PDE4D: variants seen among roughly 807,000 people sequenced by gnomAD.
PDE4D encodes phosphodiesterase 4D.
In PDE4D, 24 loss-of-function variants were observed where a neutral mutation model predicts 87.4. The observed-to-expected ratio is 0.27, with a 90% confidence interval of 0.20 to 0.39. The LOEUF is 0.39. PDE4D is among the 10% of genes least tolerant of loss of function. PDE4D has a pLI of 1.00. For synonymous variants in PDE4D, 384 were observed against 383.2 expected, an observed-to-expected ratio of 1.00 and a Z score of -0.02; for missense variants, 714 against 1,041.0, an observed-to-expected ratio of 0.69 and a Z score of 4.32.
chr5:59,409,619 C>T (rs1485272054), intron 1 of PDE4D, among the ~76,000 whole-genome samples: 1 of 152,126 alleles, frequency 6.6e-6, no homozygotes, highest in Non-Finnish European at 1.5e-5. Flanking sequence ...ACACCTACTC[C>T]CCTTTTGTCT....
chr5:59,614,828 C>G (rs914352881), intron 1 of PDE4D, among the ~76,000 whole-genome samples: 6 of 151,074 alleles, frequency 4.0e-5, no homozygotes, highest in Non-Finnish European at 7.4e-5. Flanking sequence ...CAAAATGTGG[C>G]TTTCATTTTT....
intron 2 of PDE4D, among the ~76,000 whole-genome samples, chr5:60,034,624 G>A (rs1159958260): frequency 6.6e-6 from 1 of 152,084 alleles, no homozygotes; most frequent in African/African-American, 2.4e-5. Flanking sequence ...TGACATATAA[G>A]GTTACATATT....
chr5:59,538,322 A>G (rs1583033872), intron 1 of PDE4D, among the ~76,000 whole-genome samples: 1 of 152,156 alleles, frequency 6.6e-6, no homozygotes, highest in South Asian at 2.1e-4. Flanking sequence ...TGCATTTTCC[A>G]CAGTTTATTG....
At chr5:59,329,722 G>A (rs1296034758) in intron 1 of PDE4D, among the ~76,000 whole-genome samples, 1 of 152,152 alleles carries the variant, frequency 6.6e-6, no homozygotes, top group Non-Finnish European at 1.5e-5. Context: ...AAGGCAGGCT[G>A]TCCTTGTCTA....
chr5:60,372,411 C>T (rs1761116312), intron 1 of PDE4D: 1 of 152,244 alleles, frequency 6.6e-6, no homozygotes, highest in East Asian at 1.9e-4. Flanking sequence ...CCAATTGATT[C>T]CAAATCATGT....
At chr5:60,146,796 A>AT (rs1050299408) in intron 2 of PDE4D, among the ~76,000 whole-genome samples, 1 of 152,152 alleles carries the variant, frequency 6.6e-6, no homozygotes, top group Non-Finnish European at 1.5e-5. Context: ...TAAATAACTC[A>AT]TTTTTTAAAA....
At chr5:59,561,420 A>G (rs1016868966) in intron 1 of PDE4D, among the ~76,000 whole-genome samples, 15 of 152,320 alleles carry the variant, frequency 9.8e-5, no homozygotes, top group African/African-American at 3.6e-4. Flanking sequence ...TGTTAAAAGT[A>G]TTCACCTGTC....
chr5:59,922,011 G>A lies in PDE4D; in HGVS notation c.272+66477C>T, dbSNP rs374752154. Reference sequence around the variant, plus strand: ...TCCCCCATGCGTCAGCAGTGGCCACGTGGCACAGAGAGTGAATCTTTGTGC... The same window carrying A: ...TCCCCCATGCGTCAGCAGTGGCCACATGGCACAGAGAGTGAATCTTTGTGC... On this transcript the variant is annotated intron_variant, in intron 3 of 16. Coordinates refer to the PDE4D transcript ENST00000502484. Among the ~76,000 whole-genome samples the A allele has an allele frequency of 3.3e-5, 5 of 151,986 alleles. No homozygotes were observed. In the South Asian group the frequency reaches 8.3e-4, roughly 25 times the overall value.
intron 3 of PDE4D, among the ~76,000 whole-genome samples, chr5:59,983,125 C>G (rs543687984): frequency 6.6e-6 from 1 of 152,198 alleles, no homozygotes; most frequent in African/African-American, 2.4e-5. Context: ...GAGCCCCACT[C>G]TTGTCTACTC....
chr5:60,209,259 C>G (rs150140182), intron 1 of PDE4D, among the ~76,000 whole-genome samples: 16 of 149,208 alleles, frequency 1.1e-4, no homozygotes, highest in Admixed American at 4.0e-4. Context: ...GCACTAGAAC[C>G]CTTATACTTT....
At chr5:60,314,465 C>T (rs73106724) in intron 1 of PDE4D, among the ~76,000 whole-genome samples, 9,047 of 152,020 alleles carry the variant, frequency 0.06, 884 homozygotes, top group African/African-American at 0.21. Flanking sequence ...CTGCACCCGG[C>T]GGACAGTATG....
At chr5:59,645,375 A>T (rs1443035939) in intron 1 of PDE4D, among the ~76,000 whole-genome samples, 3 of 152,218 alleles carry the variant, frequency 2.0e-5, no homozygotes, top group Non-Finnish European at 4.4e-5. Context: ...TTTTAACTGC[A>T]GAAGTTTAAG....
At chr5:59,473,768 G>A (rs1457669140) in intron 1 of PDE4D, among the ~76,000 whole-genome samples, 1 of 152,060 alleles carries the variant, frequency 6.6e-6, no homozygotes, top group African/African-American at 2.4e-5. Flanking sequence ...CAAGCAAATG[G>A]TCAGGCTGAA....
At chr5:59,508,018 TA>T (rs1180003473) in intron 1 of PDE4D, among the ~76,000 whole-genome samples, 2 of 152,230 alleles carry the variant, frequency 1.3e-5, no homozygotes, top group Non-Finnish European at 2.9e-5. Context: ...ATGATTGCTT[TA>T]AATCATTAAA....
chr5:59,806,812 C>T (rs995536441), intron 1 of PDE4D, among the ~76,000 whole-genome samples: 5 of 152,146 alleles, frequency 3.3e-5, no homozygotes, highest in Admixed American at 6.5e-5. Context: ...TGAGGTTATA[C>T]ATTTAATTAG....
intron 1 of PDE4D, among the ~76,000 whole-genome samples, chr5:59,311,657 C>T (rs917054643): frequency 5.9e-5 from 9 of 152,080 alleles, no homozygotes; most frequent in African/African-American, 1.4e-4. Context: ...TTAAAATCTG[C>T]GATAAATCCA....
intron 2 of PDE4D, chr5:60,127,663 T>C (rs1180784080): frequency 1.7e-6 from 1 of 598,686 alleles, no homozygotes; most frequent in Admixed American, 2.8e-5. Context: ...AAGAGAAAAA[T>C]CAGGTCGCAG....
At chr5:59,938,885 A>G (rs961338466) in intron 3 of PDE4D, among the ~76,000 whole-genome samples, 1 of 152,200 alleles carries the variant, frequency 6.6e-6, no homozygotes, top group African/African-American at 2.4e-5. Context: ...TACTGGTCAC[A>G]TGTATCTAAT....
intron 3 of PDE4D, among the ~76,000 whole-genome samples, chr5:59,925,833 A>G (rs6879288): frequency 0.14 from 20,991 of 152,186 alleles, 1,735 homozygotes; most frequent in African/African-American, 0.23. Flanking sequence ...GTAAATATAT[A>G]TGCACTCAAC....
Sources: gnomAD v4.1 joint callset for allele counts (sites outside exome capture counted in the v4.1 genomes callset) on GRCh38, gnomAD v4.1.1 for gene constraint, MANE v1.5 for transcripts, NCBI Gene and HGNC (gene_info 2026-07-23, HGNC 2026-07-21) for gene names.